The following ITGAM variants were observed in gnomAD, a reference collection of about 807,000 sequenced individuals.
The protein encoded by ITGAM is integrin subunit alpha M, also known as integrin alpha-M.
Under a neutral mutation model 137.5 loss-of-function variants are expected in ITGAM, and 79 were observed. The ratio of observed to expected loss-of-function variants is 0.57; its 90% CI spans 0.48 to 0.69. The LOEUF is 0.69. Ranked by LOEUF, ITGAM falls within the 30% of genes least tolerant of loss-of-function variation. The pLI, the probability that ITGAM is intolerant of heterozygous loss-of-function variation, is 0.00. For synonymous variants in ITGAM, 583 were observed against 592.3 expected, an observed-to-expected ratio of 0.98 and a Z score of 0.23; for missense variants, 1,343 against 1,483.5, an observed-to-expected ratio of 0.91 and a Z score of 1.56.
intron 5 of ITGAM, among the ~76,000 whole-genome samples, chr16:31,270,325 C>T (rs1052234950): frequency 1.3e-5 from 2 of 151,618 alleles, no homozygotes; most frequent in Admixed American, 1.3e-4. Flanking sequence ...TGGTCTCAAA[C>T]TCCTGATCTC....
chr16:31,270,741 AT>A lies in ITGAM; in HGVS notation c.428-212del, dbSNP rs373181103. Reference sequence around the variant, plus strand: ...TATATATATATATATATATATATATATATGTTTTTAACGTGTGTATACATAT... The same window carrying A: ...TATATATATATATATATATATATATAATGTTTTTAACGTGTGTATACATAT... On this transcript the variant is annotated intron_variant, in intron 5 of 29. Transcript: ENST00000544665. Among the ~76,000 whole-genome samples, 41 of 108,162 alleles carry A rather than the reference AT, an allele frequency of 3.8e-4. 1 individual carries two copies. The highest frequency in any genetic ancestry group is 1.9e-3 in the African/African-American group (41 of 22,072). 71.0% of individuals were successfully genotyped at this position (108,162 alleles called of 152,430 possible).
At chr16:31,288,565 C>T (rs1014752935) in intron 12 of ITGAM, among the ~76,000 whole-genome samples, 3 of 152,076 alleles carry the variant, frequency 2.0e-5, no homozygotes, top group Admixed American at 2.0e-4. Flanking sequence ...ATGTAGAAAG[C>T]TGAAACTGGA....
At position 31,321,495 on chromosome 16, in the gene ITGAM, A is replaced by T; in HGVS notation, c.1870A>T (p.Met624Leu). The change falls in exon 16 of 30, where the codon ATG becomes TTG. Residue 624 changes from methionine to leucine, a missense_variant. Transcript: ENST00000544665. ...GCCAGTACTGAGAGTCAAGGCAATC[A>T]TGGAGTTCAATCCCAGGGAAGTGGC... ...SQPVLRVKAI[M>L]EFNPREVARN... 6.2e-7 allele frequency: 1 copy of T among 1,614,030 alleles called. No homozygotes were observed. The highest frequency in any genetic ancestry group is 8.5e-7 in the Non-Finnish European group (1 of 1,179,900).
chr16:31,297,667 G>A lies in ITGAM; in HGVS notation c.1497+13G>A, dbSNP rs1386484432. 3.7e-6 allele frequency: 6 copies of A among 1,611,824 alleles called. No homozygotes were observed. The African/African-American group carries it at 8.0e-5, about 22-fold the overall frequency. Reference sequence around the variant, plus strand: ...CTTGCCCAGGGGGGTGAGTGGCAATGGGACCTGGGCTGGGTGGGGCCCGGT... The same window carrying A: ...CTTGCCCAGGGGGGTGAGTGGCAATAGGACCTGGGCTGGGTGGGGCCCGGT... On this transcript the variant is annotated intron_variant, in intron 13 of 29. Transcript: ENST00000544665.
chr16:31,331,686 C>G lies in ITGAM; in HGVS notation c.3438C>G (p.Pro1146=), dbSNP rs1222573006. Residue 1146 remains proline (P), a synonymous_variant, in exon 30 of 30, where the codon CCC becomes CCG. Coordinates refer to ENST00000544665, the MANE Select transcript of ITGAM (RefSeq NM_000632.4). ...AGGACATGATGAGTGAAGGGGGTCC[C>G]CCGGGGGCCGAACCCCAGTAGCGGC... ...QYKDMMSEGG[P]PGAEPQ 3.7e-6 allele frequency: 6 copies of G among 1,608,458 alleles called. No homozygotes were observed. The highest frequency in any genetic ancestry group is 5.1e-6 in the Non-Finnish European group (6 of 1,177,640).
At chr16:31,287,162 A>G (rs1292530917) in intron 12 of ITGAM, among the ~76,000 whole-genome samples, 1 of 152,064 alleles carries the variant, frequency 6.6e-6, no homozygotes, top group Non-Finnish European at 1.5e-5. Context: ...TGCTTGCTTC[A>G]TAGTCTTTAT....
intron 1 of ITGAM, 134 bp downstream of exon 1, chr16:31,260,226 T>A (rs748169543): frequency 8.9e-6 from 6 of 673,324 alleles, no homozygotes; most frequent in Admixed American, 5.8e-5. Flanking sequence ...GAGAAAGGGT[T>A]CAAGAAGAAG....
At chr16:31,289,299 T>C (rs932634086) in intron 12 of ITGAM, among the ~76,000 whole-genome samples, 7 of 152,318 alleles carry the variant, frequency 4.6e-5, no homozygotes, top group Non-Finnish European at 8.8e-5. Flanking sequence ...TAAAGGCACA[T>C]GCACACGAAT....
intron 14 of ITGAM, among the ~76,000 whole-genome samples, chr16:31,300,787 C>A (rs914557401): frequency 1.3e-5 from 2 of 152,136 alleles, no homozygotes; most frequent in African/African-American, 2.4e-5. Context: ...TGGTGCATGC[C>A]TGTAATCCCA....
Position 31,332,779 on chromosome 16 carries a change from C to T in ITGAM, c.*1072C>T, listed in dbSNP as rs1052539028. The T allele has an allele frequency of 2.0e-5, 3 of 152,116 alleles. No individual in the cohort carries two copies. The highest frequency in any genetic ancestry group is 7.2e-5 in the African/African-American group (3 of 41,414). 9.4% of individuals were successfully genotyped at this position (152,116 alleles called of 1,614,324 possible). On this transcript the variant is annotated 3_prime_UTR_variant, in exon 30 of 30. Coordinates refer to ENST00000544665, the MANE Select transcript of ITGAM (RefSeq NM_000632.4). ...ATAGTATTCCATTGTGTGAGTGTACCATAATGTATTTAACCAGTCTTCTTT... is the reference window on the plus strand; with the variant it reads ...ATAGTATTCCATTGTGTGAGTGTACTATAATGTATTTAACCAGTCTTCTTT...
intron 12 of ITGAM, among the ~76,000 whole-genome samples, chr16:31,293,369 T>C (rs1279009746): frequency 2.6e-5 from 4 of 152,216 alleles, no homozygotes; most frequent in African/African-American, 9.7e-5. Flanking sequence ...AGGGTTCTTA[T>C]AGTTTTGGGT....
intron 2 of ITGAM, 106 bp downstream of exon 2, chr16:31,261,903 T>C: frequency 3.1e-6 from 2 of 647,984 alleles, no homozygotes; most frequent in Non-Finnish European, 2.8e-6. Context: ...GATAAATCAA[T>C]TCAAAATATA....
In ITGAM at chr16:31,331,282, C is replaced by CCCG; in HGVS notation, c.3387+9_3387+11dup. 6.7e-7 allele frequency: 1 copy of CCCG among 1,496,456 alleles called. No homozygotes were observed. Among genetic ancestry groups the CCCG allele is most frequent in the East Asian group, 2.3e-5 (1 of 44,124 alleles). The allele number at this position is 1,496,456 out of a possible 1,614,324, so 92.7% of individuals were successfully genotyped here. On this transcript the variant is annotated splice_region_variant and intron_variant, in intron 29 of 29. Coordinates refer to ENST00000544665, the MANE Select transcript of ITGAM (RefSeq NM_000632.4). Reference sequence around the variant, plus strand: ...CACCGCCGCGCTGTACAAGGTGCTCCCCGCTGCTCCCCCACCCCCTCCCTT... The same window carrying CCCG: ...CACCGCCGCGCTGTACAAGGTGCTCCCCGCCGCTGCTCCCCCACCCCCTCCCTT...
intron 5 of ITGAM, among the ~76,000 whole-genome samples, chr16:31,269,733 G>A (rs1027134836): frequency 2.0e-5 from 3 of 152,186 alleles, no homozygotes; most frequent in Non-Finnish European, 4.4e-5. Flanking sequence ...GTTGAGGAGA[G>A]GGAGAGCTCA....
At chr16:31,331,587 G>C (rs779066530) in intron 29 of ITGAM, 49 bp from the exon 30 acceptor site, 73 of 626,878 alleles carry the variant, frequency 1.2e-4, no homozygotes, top group Non-Finnish European at 1.8e-4. Flanking sequence ...CTGCGGAGCC[G>C]CACGCTCCCT....
intron 14 of ITGAM, among the ~76,000 whole-genome samples, chr16:31,313,204 G>A (rs1196390247): frequency 6.6e-6 from 1 of 151,940 alleles, no homozygotes; most frequent in Non-Finnish European, 1.5e-5. Flanking sequence ...GCAACAGAGC[G>A]AGACTCCGTC....
intron 2 of ITGAM, among the ~76,000 whole-genome samples, chr16:31,262,229 C>CCCTCCCTT (rs2079707721): frequency 6.6e-6 from 1 of 151,256 alleles, no homozygotes; most frequent in African/African-American, 2.4e-5. Context: ...TATTGCCCTT[C>CCCTCCCTT]CCTCCCTTCC....
intron 12 of ITGAM, among the ~76,000 whole-genome samples, chr16:31,287,127 A>G (rs2080037078): frequency 6.6e-6 from 1 of 152,080 alleles, no homozygotes; most frequent in Non-Finnish European, 1.5e-5. Context: ...CACACTCTTT[A>G]TTGAATAGGG....
At chr16:31,318,977 T>C (rs958037303) in intron 14 of ITGAM, among the ~76,000 whole-genome samples, 1 of 152,182 alleles carries the variant, frequency 6.6e-6, no homozygotes, top group Non-Finnish European at 1.5e-5. Context: ...TGTTCAATGG[T>C]GTATTGTTTA....
Sources: allele counts gnomAD v4.1 joint callset (sites outside exome capture counted in the v4.1 genomes callset), GRCh38; gene constraint gnomAD v4.1.1; transcripts MANE v1.5; gene names NCBI Gene and HGNC (gene_info 2026-07-23, HGNC 2026-07-21).